The following SORCS1 variants were observed in gnomAD, a reference collection of about 807,000 sequenced individuals.
SORCS1 encodes the protein sortilin related VPS10 domain containing receptor 1.
SORCS1 carries 60 observed loss-of-function variants against 146.1 expected under a neutral mutation model. That is an observed-to-expected ratio of 0.41 (90% CI 0.33 to 0.51). The LOEUF (loss-of-function observed/expected upper bound fraction) is 0.51, where lower values mean the gene tolerates loss of function less well. SORCS1 is among the 20% of genes least tolerant of loss of function. SORCS1 has a pLI of 0.21. For synonymous variants in SORCS1, 637 were observed against 584.0 expected, an observed-to-expected ratio of 1.09 and a Z score of -1.31; for missense variants, 1,352 against 1,487.6, an observed-to-expected ratio of 0.91 and a Z score of 1.50.
intron 3 of SORCS1, among the ~76,000 whole-genome samples, chr10:106,827,032 G>C (rs2136982702): frequency 6.6e-6 from 1 of 151,556 alleles, no homozygotes; most frequent in Admixed American, 6.6e-5. Context: ...TTGATGGTTA[G>C]GCTCTTTGCT....
At chr10:106,987,514 A>G (rs1956533252) in intron 1 of SORCS1, among the ~76,000 whole-genome samples, 1 of 152,186 alleles carries the variant, frequency 6.6e-6, no homozygotes, top group East Asian at 1.9e-4. Flanking sequence ...CGTTCTACCC[A>G]TGGACACCTG....
At chr10:106,911,774 G>T (rs1952168335) in intron 2 of SORCS1, among the ~76,000 whole-genome samples, 1 of 152,050 alleles carries the variant, frequency 6.6e-6, no homozygotes, top group African/African-American at 2.4e-5. Context: ...ATTTAATTAG[G>T]ATCTGTTGGT....
upstream of SORCS1, among the ~76,000 whole-genome samples, chr10:107,165,758 T>C (rs186551401): frequency 2.6e-5 from 4 of 152,320 alleles, no homozygotes; most frequent in East Asian, 7.7e-4. The surrounding 1 kb of genome is among the most constrained non-coding windows in gnomAD (Gnocchi z 4.0). Context: ...AGATCCCTAA[T>C]AGCAAGTCTG....
intron 6 of SORCS1, among the ~76,000 whole-genome samples, chr10:106,721,077 A>G (rs973884499): frequency 1.4e-5 from 2 of 142,058 alleles, no homozygotes; most frequent in East Asian, 2.0e-4. Context: ...ACACTGCTAG[A>G]AAAAAAAAAA....
intron 16 of SORCS1, among the ~76,000 whole-genome samples, chr10:106,669,405 G>T (rs1007889404): frequency 6.6e-6 from 1 of 151,160 alleles, no homozygotes; most frequent in African/African-American, 2.4e-5. Context: ...GAATAAATTT[G>T]CCTCCTGCTA....
intron 3 of SORCS1, among the ~76,000 whole-genome samples, chr10:106,803,510 T>A (rs1038818662): frequency 6.6e-6 from 1 of 152,182 alleles, no homozygotes; most frequent in African/African-American, 2.4e-5. Context: ...TTAGATTCTG[T>A]CCTCTTGATA....
intron 6 of SORCS1, among the ~76,000 whole-genome samples, chr10:106,715,237 T>C (rs1855279490): frequency 6.6e-6 from 1 of 152,230 alleles, no homozygotes; most frequent in Admixed American, 6.5e-5. Flanking sequence ...TGGCATTAAT[T>C]AATGTCAATT....
chr10:106,776,709 T>A lies in SORCS1; in HGVS notation c.727-17A>T. The A allele has an allele frequency of 6.3e-7, 1 of 1,585,330 alleles. No individual in the cohort carries two copies. The highest frequency in any genetic ancestry group is 8.6e-7 in the Non-Finnish European group (1 of 1,164,490). On this transcript the variant is annotated splice_polypyrimidine_tract_variant and intron_variant, in intron 3 of 25. Coordinates refer to ENST00000263054, the MANE Select transcript of SORCS1 (RefSeq NM_052918.5). ...TAACATTATCTGCAGCAAAGAATTG[T>A]TGGAGAAAGAAACAACAGAAAATTA...
chr10:106,601,777 A>G (rs1211151865), intron 23 of SORCS1, among the ~76,000 whole-genome samples: 1 of 152,230 alleles, frequency 6.6e-6, no homozygotes, highest in Non-Finnish European at 1.5e-5. Flanking sequence ...CATTCATTAC[A>G]TACAGCACAA....
intron 1 of SORCS1, among the ~76,000 whole-genome samples, chr10:107,119,900 C>G (rs1207252218): frequency 1.3e-5 from 2 of 152,146 alleles, no homozygotes; most frequent in Admixed American, 6.5e-5. Context: ...CTGAGAGTCT[C>G]TATCTATGGA....
chr10:106,661,605 T>A (rs1460616959), intron 17 of SORCS1, among the ~76,000 whole-genome samples: 2 of 152,230 alleles, frequency 1.3e-5, no homozygotes, highest in Non-Finnish European at 2.9e-5. Flanking sequence ...GTGATGACTA[T>A]GTGCTAGGCA....
intron 21 of SORCS1, among the ~76,000 whole-genome samples, chr10:106,612,865 A>G (rs1847100975): frequency 6.6e-6 from 1 of 152,076 alleles, no homozygotes; most frequent in Admixed American, 6.5e-5. Flanking sequence ...TGGTAGGTTT[A>G]TGACCCTGGG....
intron 3 of SORCS1, among the ~76,000 whole-genome samples, chr10:106,790,610 CT>C (rs1262768391): frequency 1.3e-5 from 2 of 152,078 alleles, no homozygotes; most frequent in Non-Finnish European, 1.5e-5. Flanking sequence ...AAGGAAGGAA[CT>C]CAGATAAAAC....
At chr10:106,992,040 T>C (rs983656651) in intron 1 of SORCS1, among the ~76,000 whole-genome samples, 2 of 137,708 alleles carry the variant, frequency 1.5e-5, no homozygotes, top group Non-Finnish European at 1.5e-5. Context: ...GTTGTGAATA[T>C]TGCCTCAAAA....
In SORCS1 at chr10:107,130,627, G is replaced by A. The variant is rs117699626; in HGVS notation, c.558+33342C>T. ...GGAGCACAAAAATGTAAAGTCTTTC[G>A]ACTTAGAATCTAACATCTTTTGTTC... is the stretch of plus-strand genomic sequence containing the variant. On this transcript the variant is annotated intron_variant, in intron 1 of 25. Transcript: ENST00000263054. Among the ~76,000 whole-genome samples the A allele has an allele frequency of 1.9e-3, 284 of 152,212 alleles. 3 individuals are homozygous for A. The East Asian group carries it at 0.05, about 27-fold the overall frequency.
chr10:106,739,682 G>C (rs1857221138), intron 5 of SORCS1, among the ~76,000 whole-genome samples: 1 of 150,994 alleles, frequency 6.6e-6, no homozygotes, highest in Non-Finnish European at 1.5e-5. Context: ...GCTGGGTGTG[G>C]TGGCGAGCGC....
At chr10:106,929,967 C>T (rs928721630) in intron 2 of SORCS1, among the ~76,000 whole-genome samples, 2 of 152,182 alleles carry the variant, frequency 1.3e-5, no homozygotes, top group African/African-American at 4.8e-5. Context: ...TTAATGATGG[C>T]CGGGCGCAGT....
rs75810535 is a variant in SORCS1, at chr10:106,712,258, G to T, written c.1025-2917C>A. Among the ~76,000 whole-genome samples, 8 of 152,244 alleles carry T rather than the reference G, an allele frequency of 5.3e-5. No homozygotes were observed. The South Asian group carries it at 1.7e-3, about 32-fold the overall frequency. ...CAATGTGTGGGAAAATAGGAATTAG[G>T]GGGTGTAAGGAAGAAGAGCTGGTCA... On this transcript the variant is annotated intron_variant, in intron 6 of 25. Coordinates refer to ENST00000263054, the MANE Select transcript of SORCS1 (RefSeq NM_052918.5).
At chr10:106,928,005 G>A (rs949763362) in intron 2 of SORCS1, among the ~76,000 whole-genome samples, 17 of 152,246 alleles carry the variant, frequency 1.1e-4, no homozygotes, top group African/African-American at 3.4e-4. Context: ...TAAAGGTTCT[G>A]CAAGTCCTCA....
Sources: gnomAD v4.1 joint callset for allele counts (sites outside exome capture counted in the v4.1 genomes callset) on GRCh38, gnomAD v4.1.1 for gene constraint, Gnocchi (gnomAD v3.1) non-coding constraint, MANE v1.5 for transcripts, NCBI Gene and HGNC (gene_info 2026-07-23, HGNC 2026-07-21) for gene names.